GGA2: variants seen among roughly 807,000 people sequenced by gnomAD.
The protein encoded by GGA2 is ADP-ribosylation factor-binding protein GGA2.
GGA2 carries 48 observed loss-of-function variants against 79.5 expected under a neutral mutation model. The ratio of observed to expected loss-of-function variants is 0.60; its 90% confidence interval spans 0.48 to 0.77. GGA2 has a LOEUF of 0.77. Ranked by LOEUF, GGA2 falls within the 30% of genes least tolerant of loss-of-function variation. The probability of loss-of-function intolerance (pLI) is 0.00; values close to 1 mark genes in which losing one functional copy is unlikely to be tolerated. For synonymous variants in GGA2, 317 were observed against 302.0 expected (o/e 1.05, Z -0.51); for missense variants, 770 against 774.0 (o/e 0.99, Z 0.06).
intron 15 of GGA2, chr16:23,469,215 C>T (rs1288287733): frequency 1.1e-5 from 5 of 450,036 alleles, no homozygotes; most frequent in Admixed American, 6.4e-5. Context: ...CAGAATGGAT[C>T]GGGAGTTGTG....
Position 23,465,508 on chromosome 16 carries a change from ACCT to A in GGA2, c.*2079_*2081del. On this transcript the variant is annotated 3_prime_UTR_variant, in exon 17 of 17. Coordinates refer to ENST00000309859, the MANE Select transcript of GGA2 (RefSeq NM_015044.4). ...TGTTCAGGTACACATGTGTGAGTTC[ACCT>A]CCTAACTATAGGGGAGAAAGCCTGT... The A allele has an allele frequency of 1.5e-5, 10 of 681,902 alleles. No individual in the cohort carries two copies. Among genetic ancestry groups the A allele is most frequent in the Non-Finnish European group, 2.7e-5 (10 of 374,316 alleles). The allele number at this position is 681,902 out of a possible 1,614,324, so 42.2% of individuals were successfully genotyped here.
upstream of GGA2, among the ~76,000 whole-genome samples, chr16:23,514,458 T>A (rs1026491962): frequency 2.0e-5 from 3 of 151,918 alleles, no homozygotes; most frequent in Non-Finnish European, 4.4e-5. Context: ...TGTTAGCCTT[T>A]TTTTTTTGAG....
chr16:23,510,434 C>CCGCGGG lies in GGA2; in HGVS notation c.-29_-24dup, dbSNP rs751943310. The CCGCGGG allele has an allele frequency of 2.3e-3, 2,223 of 967,762 alleles. 14 individuals carry two copies. Among genetic ancestry groups the CCGCGGG allele is most frequent in the Non-Finnish European group, 2.7e-3 (1,952 of 729,246 alleles). 59.9% of individuals were successfully genotyped at this position (967,762 alleles called of 1,614,324 possible). ...CATCGCTCCAGCCCCGACGCTGCGG[C>CCGCGGG]CGCGGGCGCCACTGCCTCTTCAGCC... On this transcript the variant is annotated 5_prime_UTR_variant, in exon 1 of 17. Coordinates refer to ENST00000309859, the MANE Select transcript of GGA2 (RefSeq NM_015044.4).
intron 8 of GGA2, 75 bp downstream of exon 8, chr16:23,485,940 G>T: frequency 7.5e-7 from 1 of 1,340,360 alleles, no homozygotes; most frequent in Non-Finnish European, 1.0e-6. Context: ...ATGGCTTCAT[G>T]GGTGCAAACA....
intron 13 of GGA2, 115 bp downstream of exon 13, chr16:23,478,253 A>T: frequency 3.2e-6 from 2 of 625,466 alleles, no homozygotes; most frequent in Non-Finnish European, 5.1e-6. Context: ...AGAAAGAAAG[A>T]TGTTTCTCCA....
chr16:23,521,424 G>C (rs1263520911), intron 1 of GGA2, among the ~76,000 whole-genome samples: 1 of 151,046 alleles, frequency 6.6e-6, no homozygotes, highest in South Asian at 2.1e-4. Context: ...TTTAGACACA[G>C]GATCTTGCTC....
At chr16:23,485,203 G>A (rs1964696950) in intron 8 of GGA2, among the ~76,000 whole-genome samples, 1 of 152,210 alleles carries the variant, frequency 6.6e-6, no homozygotes, top group Admixed American at 6.5e-5. Flanking sequence ...GACAGAAAGT[G>A]GATTAGTGGT....
chr16:23,465,081 G>A lies in GGA2; in HGVS notation c.*2509C>T. The A allele has an allele frequency of 1.8e-6, 1 of 549,090 alleles. No individual in the cohort carries two copies. Among genetic ancestry groups the A allele is most frequent in the Non-Finnish European group, 3.3e-6 (1 of 307,486 alleles). The allele number at this position is 549,090 out of a possible 1,614,324, so 34.0% of individuals were successfully genotyped here. Reference sequence around the variant, plus strand: ...GCCAGATCTCCAGCACACACATCATGAATTTGCTTCTCCCCAGAGGAAAAG... The same window carrying A: ...GCCAGATCTCCAGCACACACATCATAAATTTGCTTCTCCCCAGAGGAAAAG... On this transcript the variant is annotated 3_prime_UTR_variant, in exon 17 of 17. Coordinates refer to ENST00000309859, the MANE Select transcript of GGA2 (RefSeq NM_015044.4).
chr16:23,504,279 T>C (rs188517140), intron 1 of GGA2, among the ~76,000 whole-genome samples: 1 of 152,328 alleles, frequency 6.6e-6, no homozygotes, highest in Non-Finnish European at 1.5e-5. Context: ...CTAACCACTC[T>C]TGCGGTGAGG....
chr16:23,471,954 T>C (rs1964516056), intron 14 of GGA2, among the ~76,000 whole-genome samples: 2 of 152,094 alleles, frequency 1.3e-5, no homozygotes, highest in East Asian at 1.9e-4. Context: ...ACAATGAAAC[T>C]ACCAAAGATT....
At chr16:23,488,907 C>T (rs1014550611) in intron 5 of GGA2, among the ~76,000 whole-genome samples, 198 bp from the exon 6 acceptor site, 20 of 152,172 alleles carry the variant, frequency 1.3e-4, no homozygotes, top group Middle Eastern at 3.4e-3. Context: ...CCATGGTGGC[C>T]GGGACAGCAG....
chr16:23,484,108 T>C (rs1486993053), intron 8 of GGA2, among the ~76,000 whole-genome samples: 1 of 149,154 alleles, frequency 6.7e-6, no homozygotes, highest in Non-Finnish European at 1.5e-5. Flanking sequence ...GCCAACATGG[T>C]GAAACCCTGT....
At position 23,467,692 on chromosome 16, in the gene GGA2, G is replaced by A. The variant is rs1273632626; in HGVS notation, c.1740C>T (p.Ile580=). The A allele has an allele frequency of 7.7e-6, 12 of 1,564,320 alleles. No homozygotes were observed. The highest frequency in any genetic ancestry group is 1.1e-5 in the Non-Finnish European group (12 of 1,134,782). Residue 580 remains isoleucine (I), a synonymous_variant, in exon 17 of 17, where the codon ATC becomes ATT. Transcript: ENST00000309859. ...TGAATGTCAGCTTGTACCGTAAGCGGATAGGTTCCTGGGACAGAAGAGACA... is the reference window on the plus strand; with the variant it reads ...TGAATGTCAGCTTGTACCGTAAGCGAATAGGTTCCTGGGACAGAAGAGACA... ...LLLDNPHKEP[I]RLRYKLTFNQ... is the part of the protein sequence containing the mutation.
intron 1 of GGA2, among the ~76,000 whole-genome samples, chr16:23,496,184 T>C (rs1328522735): frequency 2.7e-5 from 4 of 150,486 alleles, no homozygotes; most frequent in Non-Finnish European, 4.4e-5. Flanking sequence ...ATGCCTGTAA[T>C]CCCAGCTACT....
intron 13 of GGA2, 125 bp downstream of exon 13, chr16:23,478,243 A>G: frequency 3.0e-6 from 2 of 664,566 alleles, no homozygotes; most frequent in Non-Finnish European, 2.4e-6. Flanking sequence ...AAAAAAAGAA[A>G]GAAAGAAAGA....
chr16:23,522,194 C>T (rs1324057742), upstream of GGA2: 1 of 203,126 alleles, frequency 4.9e-6, no homozygotes, highest in Non-Finnish European at 1.0e-5. Flanking sequence ...GGAGAAAGCT[C>T]CCTAGTTTTC....
At chr16:23,493,186 G>A (rs781408119) in intron 4 of GGA2, among the ~76,000 whole-genome samples, 174 bp downstream of exon 4, 1 of 152,202 alleles carries the variant, frequency 6.6e-6, no homozygotes, top group African/African-American at 2.4e-5. Flanking sequence ...GAGGGGCAGG[G>A]GTCAGCTAAT....
chr16:23,490,690 G>A (rs944349918), intron 5 of GGA2, among the ~76,000 whole-genome samples: 3 of 149,506 alleles, frequency 2.0e-5, no homozygotes, highest in Non-Finnish European at 4.4e-5. Flanking sequence ...AACAGAGATC[G>A]CCCCACTGCA....
intron 2 of GGA2, among the ~76,000 whole-genome samples, chr16:23,518,649 A>G (rs1200791158): frequency 6.6e-6 from 1 of 152,222 alleles, no homozygotes; most frequent in African/African-American, 2.4e-5. Flanking sequence ...CTGGACTGCT[A>G]ATTATACTGG....
Sources: allele counts gnomAD v4.1 joint callset (sites outside exome capture counted in the v4.1 genomes callset), GRCh38; gene constraint gnomAD v4.1.1; transcripts MANE v1.5; gene names NCBI Gene and HGNC (gene_info 2026-07-23, HGNC 2026-07-21).